Variants in SLC12A5 observed in about 807,000 individuals in gnomAD.
SLC12A5 encodes the protein K-Cl cotransporter 2.
In SLC12A5, 18 loss-of-function variants were observed where a neutral mutation model predicts 124.0. The ratio of observed to expected loss-of-function variants is 0.15; its 90% confidence interval spans 0.10 to 0.22. SLC12A5 has a LOEUF of 0.22. Among genes scored for constraint, SLC12A5 ranks in the 10% least tolerant of loss-of-function variants. The pLI is 1.00. For synonymous variants in SLC12A5, 589 were observed against 568.0 expected, an observed-to-expected ratio of 1.04 and a Z score of -0.53; for missense variants, 867 against 1,478.7, an observed-to-expected ratio of 0.59 and a Z score of 6.78.
intron 7 of SLC12A5, chr20:46,041,059 A>G: frequency 4.7e-6 from 2 of 423,414 alleles, no homozygotes; most frequent in Non-Finnish European, 8.7e-6. Flanking sequence ...TCAGAGGTGG[A>G]GGGCGGCCCC....
chr20:46,040,083 G>A (rs1341924023), intron 6 of SLC12A5, among the ~76,000 whole-genome samples: 1 of 152,126 alleles, frequency 6.6e-6, no homozygotes, highest in African/African-American at 2.4e-5. Context: ...GCCTAGGCTG[G>A]TATTGAAATC....
In SLC12A5 at chr20:46,045,113, G is replaced by T. The variant is rs771067022; in HGVS notation, c.1542G>T (p.Ser514=). ...CCCCACGCCTGCTGCAGGCCATCTCGAGGGATGGCATTGTGCCCTTCCTGC... is the reference window on the plus strand; with the variant it reads ...CCCCACGCCTGCTGCAGGCCATCTCTAGGGATGGCATTGTGCCCTTCCTGC... ...TGAPRLLQAI[S]RDGIVPFLQV... The change falls in exon 12 of 26, where the codon TCG becomes TCT. Residue 514 remains serine, a synonymous_variant. Coordinates refer to ENST00000243964, the MANE Select transcript of SLC12A5 (RefSeq NM_020708.5). The surrounding 1 kb of genome is among the most constrained non-coding windows in gnomAD (Gnocchi z 4.9). The T allele has an allele frequency of 6.2e-7, 1 of 1,601,204 alleles. No homozygotes were observed. Among genetic ancestry groups the T allele is most frequent in the Admixed American group, 1.7e-5 (1 of 59,216 alleles).
chr20:46,053,102 G>A lies in SLC12A5; in HGVS notation c.2523G>A (p.Leu841=). The part of the protein sequence containing the change: ...IVHDGGMLML[L]PFLLRHHKVW... ...ACGATGGAGGCATGCTCATGCTGCT[G>A]CCCTTCCTGCTGCGGCACCACAAGG... The change falls in exon 19 of 26, where the codon CTG becomes CTA. Residue 841 remains leucine, a synonymous_variant. Coordinates refer to ENST00000243964, the MANE Select transcript of SLC12A5 (RefSeq NM_020708.5). The surrounding 1 kb of genome is among the most constrained non-coding windows in gnomAD (Gnocchi z 4.7). 3 of 1,610,916 alleles carry A rather than the reference G, an allele frequency of 1.9e-6. No homozygotes were observed. The highest frequency in any genetic ancestry group is 2.5e-6 in the Non-Finnish European group (3 of 1,177,252).
rs773491710 is a variant in SLC12A5 at position 46,056,233 on chromosome 20, A to G, written c.2871A>G (p.Glu957=). ...CGCGGCTCCGCCTGAACGTCCCAGA[A>G]GAGACGGCTGGTGACAGTGAAGAGA... The part of the protein sequence containing the change: ...ANTRLRLNVP[E]ETAGDSEEKP... Residue 957 remains glutamate (E), a synonymous_variant, in exon 22 of 26, where the codon GAA becomes GAG. Transcript: ENST00000243964. The surrounding 1 kb of genome is among the most constrained non-coding windows in gnomAD (Gnocchi z 4.3). 6.2e-7 allele frequency: 1 copy of G among 1,614,190 alleles called. No individual in the cohort carries two copies. The highest frequency in any genetic ancestry group is 1.1e-5 in the South Asian group (1 of 91,086).
intron 1 of SLC12A5, 45 bp downstream of exon 1, chr20:46,029,441 A>T: frequency 1.9e-6 from 3 of 1,538,990 alleles, no homozygotes; most frequent in Non-Finnish European, 2.6e-6. Context: ...CAGCGAGGAG[A>T]GGAGGCAGCT....
chr20:46,033,056 T>C (rs1221418741), intron 1 of SLC12A5, among the ~76,000 whole-genome samples: 1 of 152,164 alleles, frequency 6.6e-6, no homozygotes, highest in African/African-American at 2.4e-5. Context: ...GTGGAGGTGG[T>C]GGCAGAAGAC....
chr20:46,054,557 C>T (rs1352308840), intron 20 of SLC12A5, among the ~76,000 whole-genome samples: 1 of 152,226 alleles, frequency 6.6e-6, no homozygotes, highest in East Asian at 1.9e-4. Flanking sequence ...TTCACTCACT[C>T]TCCCATTCAT....
intron 7 of SLC12A5, 54 bp downstream of exon 7, chr20:46,040,668 G>C (rs750396412): frequency 6.3e-7 from 1 of 1,591,682 alleles, no homozygotes; most frequent in Non-Finnish European, 8.6e-7. Context: ...CCCTGGCCCT[G>C]TTTCAGAGTC....
Position 46,056,035 on chromosome 20 carries a change from C to A in SLC12A5, c.2788-115C>A. 1 of 1,422,630 alleles carries A rather than the reference C, an allele frequency of 7.0e-7. No homozygotes were observed. The highest frequency in any genetic ancestry group is 9.5e-7 in the Non-Finnish European group (1 of 1,050,444). The allele number at this position is 1,422,630 out of a possible 1,614,324, so 88.1% of individuals were successfully genotyped here. A position where few individuals can be genotyped will look rare whatever the true frequency, so the allele number is the denominator to read the frequency against. ...TCAAATCATAGCAATATTTTAACAA[C>A]TGGTACAGTTCCAGAAAGTGCATCC... On this transcript the variant is annotated intron_variant, in intron 21 of 25. Transcript: ENST00000243964. This position sits in a 1 kb window ranked among gnomAD's most constrained non-coding sequence, Gnocchi z 4.3.
At chr20:46,030,710 T>C (rs2084441829) in intron 1 of SLC12A5, among the ~76,000 whole-genome samples, 1 of 152,134 alleles carries the variant, frequency 6.6e-6, no homozygotes, top group African/African-American at 2.4e-5. Context: ...TTGGCAACCT[T>C]GACTCTGAGG....
chr20:46,036,887 GAT>G (rs550651959), intron 5 of SLC12A5, 92 bp downstream of exon 5: 433 of 1,496,146 alleles, frequency 2.9e-4, no homozygotes, highest in Non-Finnish European at 3.8e-4. Flanking sequence ...GCCCAAGAGA[GAT>G]AATATTCTAG....
Position 46,049,647 on chromosome 20 carries a change from G to A in SLC12A5, c.2038G>A (p.Val680Met). The A allele has an allele frequency of 6.2e-7, 1 of 1,605,976 alleles. No individual in the cohort carries two copies. Among genetic ancestry groups the A allele is most frequent in the Non-Finnish European group, 8.5e-7 (1 of 1,176,414 alleles). ...WRPQLLVLVR[V>M]DQDQNVVHPQ... ...GCCACAGCTGCTGGTGCTGGTGCGT[G>A]TGGACCAAGACCAGAATGTGGTGCA... Residue 680 changes from valine (V) to methionine (M), a missense_variant, in exon 17 of 26, where the codon GTG becomes ATG. Val to Met is a conservative substitution (Grantham distance 21). This residue lies in a region of SLC12A5 where 38 missense variants were observed against 36.2 expected (regional missense o/e 1.05). Coordinates refer to ENST00000243964, the MANE Select transcript of SLC12A5 (RefSeq NM_020708.5).
At chr20:46,043,111 C>T (rs1399555111) in intron 8 of SLC12A5, 42 bp from the exon 9 acceptor site, 2 of 1,604,408 alleles carry the variant, frequency 1.2e-6, no homozygotes, top group South Asian at 1.1e-5. Context: ...GCTCTGGTCC[C>T]CTTATGGCTG....
intron 13 of SLC12A5, among the ~76,000 whole-genome samples, 155 bp downstream of exon 13, chr20:46,046,151 C>G (rs746442367): frequency 1.6e-4 from 24 of 152,162 alleles, no homozygotes; most frequent in Non-Finnish European, 3.5e-4. Flanking sequence ...TAGAGAGATT[C>G]ATCCACACGT....
intron 17 of SLC12A5, among the ~76,000 whole-genome samples, chr20:46,050,584 G>A (rs560090121): frequency 3.9e-5 from 6 of 152,322 alleles, no homozygotes; most frequent in South Asian, 2.1e-4. Context: ...TGCGACAGTC[G>A]CTGCTTCTGC....
In SLC12A5 at chr20:46,034,900, G is replaced by A. The variant is rs1600590483; in HGVS notation, c.53-48G>A. 5.1e-6 allele frequency: 8 copies of A among 1,574,156 alleles called. No individual in the cohort carries two copies. In the East Asian group the frequency reaches 9.0e-5, roughly 18 times the overall value. Reference sequence around the variant, plus strand: ...TACACCACTGTATGCCCAGGTGGTTGGACAACAACTGATTGGTTCCAGATC... The same window carrying A: ...TACACCACTGTATGCCCAGGTGGTTAGACAACAACTGATTGGTTCCAGATC... On this transcript the variant is annotated intron_variant, in intron 1 of 25. Coordinates refer to ENST00000243964, the MANE Select transcript of SLC12A5 (RefSeq NM_020708.5).
At position 46,059,567 on chromosome 20, in the gene SLC12A5, T is replaced by C; in HGVS notation, c.*1962T>C. 2.5e-6 allele frequency: 1 copy of C among 398,998 alleles called. No individual in the cohort carries two copies. The highest frequency in any genetic ancestry group is 6.3e-4 in the Middle Eastern group (1 of 1,588). 24.7% of individuals were successfully genotyped at this position (398,998 alleles called of 1,614,324 possible). On this transcript the variant is annotated 3_prime_UTR_variant, in exon 26 of 26. Coordinates refer to ENST00000243964, the MANE Select transcript of SLC12A5 (RefSeq NM_020708.5). ...AGAAGGGGGCTGTATCAACATCAAT[T>C]AGGGAACCAAAGTTGCACTATCTGG...
Position 46,058,216 on chromosome 20 carries a change from G to A in SLC12A5, c.*611G>A. 2.7e-6 allele frequency: 1 copy of A among 368,044 alleles called. No individual in the cohort carries two copies. Among genetic ancestry groups the A allele is most frequent in the Non-Finnish European group, 4.8e-6 (1 of 206,968 alleles). The allele number at this position is 368,044 out of a possible 1,614,324, so 22.8% of individuals were successfully genotyped here. On this transcript the variant is annotated 3_prime_UTR_variant, in exon 26 of 26. Transcript: ENST00000243964. The surrounding 1 kb of genome is among the most constrained non-coding windows in gnomAD (Gnocchi z 5.8). ...CTCGCCATAGTCGAGCTCTCCCGCT[G>A]GGGGCACTGCGGGGAGGCGAGGCCT...
In SLC12A5 at chr20:46,057,788, G is replaced by C; in HGVS notation, c.*183G>C. 1 of 566,100 alleles carries C rather than the reference G, an allele frequency of 1.8e-6. No homozygotes were observed. Among genetic ancestry groups the C allele is most frequent in the Non-Finnish European group, 3.1e-6 (1 of 325,608 alleles). The allele number at this position is 566,100 out of a possible 1,614,324, so 35.1% of individuals were successfully genotyped here. A position where few individuals can be genotyped will look rare whatever the true frequency, so the allele number is the denominator to read the frequency against. On this transcript the variant is annotated 3_prime_UTR_variant, in exon 26 of 26. Transcript: ENST00000243964. This position sits in a 1 kb window ranked among gnomAD's most constrained non-coding sequence, Gnocchi z 7.1. ...GCTGATTCGGAGAGGGCGCCCCGCC[G>C]CGCAGAGACCAGAGCTCCTCAGTGC...
Sources: allele counts gnomAD v4.1 joint callset (sites outside exome capture counted in the v4.1 genomes callset), GRCh38; gene constraint gnomAD v4.1.1; regional missense constraint gnomAD v4.1.1; non-coding constraint Gnocchi (gnomAD v3.1); transcripts MANE v1.5; gene names NCBI Gene and HGNC (gene_info 2026-07-23, HGNC 2026-07-21).